DNAH9: variants seen among roughly 807,000 people sequenced by gnomAD.
DNAH9 encodes dynein axonemal heavy chain 9.
A neutral mutation model predicts 471.6 loss-of-function variants in DNAH9; 345 were observed. That is an observed-to-expected ratio of 0.73 (90% confidence interval 0.67 to 0.80). DNAH9 has a LOEUF of 0.80. Ranked by LOEUF, DNAH9 falls within the 30% of genes least tolerant of loss-of-function variation. DNAH9 has a pLI of 0.00. For synonymous variants in DNAH9, 2,093 were observed against 2,123.6 expected, an observed-to-expected ratio of 0.99 and a Z score of 0.40; for missense variants, 5,407 against 5,609.2, an observed-to-expected ratio of 0.96 and a Z score of 1.15.
At chr17:11,652,440 C>T (rs1409092877) in intron 13 of DNAH9, among the ~76,000 whole-genome samples, 1 of 151,810 alleles carries the variant, frequency 6.6e-6, no homozygotes, top group African/African-American at 2.4e-5. Flanking sequence ...CACCCACCAC[C>T]CCACCCAGCT....
At chr17:11,609,089 C>T (rs140014387) in intron 2 of DNAH9, among the ~76,000 whole-genome samples, 6 of 152,294 alleles carry the variant, frequency 3.9e-5, no homozygotes, top group African/African-American at 1.4e-4. Flanking sequence ...GGACAGCCTT[C>T]CTACATGAGC....
At position 11,894,425 on chromosome 17, in the gene DNAH9, C is replaced by T. The variant is rs779176965; in HGVS notation, c.11335C>T (p.Arg3779Ter). 56 of 1,614,126 alleles carry T rather than the reference C, an allele frequency of 3.5e-5. No homozygotes were observed. Among genetic ancestry groups the T allele is most frequent in the Non-Finnish European group, 4.5e-5 (53 of 1,179,998 alleles). The change falls in exon 59 of 69, where the codon CGA becomes TGA. Residue 3779 changes from arginine (R) to a stop codon, truncating the protein, a stop_gained. Coordinates refer to ENST00000262442, the MANE Select transcript of DNAH9 (RefSeq NM_001372.4). LOFTEE classifies it high-confidence loss of function. ...TGCAGTGGAGTTGGATTTCCTGCTT[C>T]GATCTCCAGTGCAGACGGGCACCGC... ...VNAVELDFLL[R>*]SPVQTGTASP...
chr17:11,700,920 GTTAA>G (rs1382853895), intron 23 of DNAH9, among the ~76,000 whole-genome samples, 198 bp from the exon 24 acceptor site: 3 of 152,314 alleles, frequency 2.0e-5, no homozygotes, highest in East Asian at 1.9e-4. Flanking sequence ...TCAGCCTGCT[GTTAA>G]TTAAGTCTGG....
intron 39 of DNAH9, among the ~76,000 whole-genome samples, chr17:11,781,724 C>T (rs551135440): frequency 2.0e-4 from 30 of 151,208 alleles, no homozygotes; most frequent in African/African-American, 3.4e-4. Context: ...CCCAGCTACT[C>T]GGGAGGCTGA....
intron 32 of DNAH9, among the ~76,000 whole-genome samples, chr17:11,748,249 C>G (rs1321977741): frequency 6.6e-6 from 1 of 151,286 alleles, no homozygotes; most frequent in Non-Finnish European, 1.5e-5. Context: ...ATTGCTTGAA[C>G]CCGGGTGGTG....
chr17:11,707,504 T>C (rs927085837), intron 26 of DNAH9, among the ~76,000 whole-genome samples: 3 of 152,196 alleles, frequency 2.0e-5, no homozygotes, highest in African/African-American at 7.2e-5. Context: ...CAACACCTCA[T>C]AGCTGAAGCA....
At chr17:11,663,400 A>G (rs575061963) in intron 14 of DNAH9, among the ~76,000 whole-genome samples, 1 of 152,310 alleles carries the variant, frequency 6.6e-6, no homozygotes, top group East Asian at 1.9e-4. Context: ...AACCTATGCC[A>G]TAGTTTGAAA....
At chr17:11,867,049 C>T (rs1003283147) in intron 50 of DNAH9, among the ~76,000 whole-genome samples, 1 of 152,230 alleles carries the variant, frequency 6.6e-6, no homozygotes, top group Non-Finnish European at 1.5e-5. Context: ...CACTCTCTGG[C>T]ACTTCCTAGT....
rs1969143621 is a variant in DNAH9, at chr17:11,793,741, A to C, written c.8223+77A>C. ...TATACAGATGATCACCCAATGATAA[A>C]ATCTAGCTGTTTAATGGAGAAAGGC... On this transcript the variant is annotated intron_variant, in intron 42 of 68. Coordinates refer to ENST00000262442, the MANE Select transcript of DNAH9 (RefSeq NM_001372.4). 3.3e-6 allele frequency: 4 copies of C among 1,218,222 alleles called. No homozygotes were observed. In the Admixed American group the frequency reaches 9.2e-5, roughly 28 times the overall value. 75.5% of individuals were successfully genotyped at this position (1,218,222 alleles called of 1,614,324 possible). A position where few individuals can be genotyped will look rare whatever the true frequency, so the allele number is the denominator to read the frequency against.
intron 55 of DNAH9, 96 bp downstream of exon 55, chr17:11,881,509 A>T (rs1972721397): frequency 7.9e-7 from 1 of 1,273,300 alleles, no homozygotes; most frequent in Non-Finnish European, 1.1e-6. Context: ...TCCTGGATTG[A>T]GTTAGGTGGG....
intron 14 of DNAH9, 36 bp from the exon 15 acceptor site, chr17:11,664,797 A>G (rs2073837403): frequency 6.3e-7 from 1 of 1,582,914 alleles, no homozygotes; most frequent in South Asian, 1.1e-5. Flanking sequence ...TCATGCTATT[A>G]AACGAGGTTT....
chr17:11,644,573 G>T (rs1012672596), intron 10 of DNAH9, 58 bp from the exon 11 acceptor site: 18 of 1,301,848 alleles, frequency 1.4e-5, no homozygotes, highest in Non-Finnish European at 2.0e-5. Flanking sequence ...TTTGTTCCTC[G>T]GATTATTACT....
chr17:11,818,767 C>CT (rs1394788636), intron 45 of DNAH9, among the ~76,000 whole-genome samples: 1 of 152,054 alleles, frequency 6.6e-6, no homozygotes, highest in African/African-American at 2.4e-5. Context: ...AACTTTTTAG[C>CT]TATAGTGTTT....
intron 41 of DNAH9, 21 bp from the exon 42 acceptor site, chr17:11,793,482 T>TG (rs769878448): frequency 1.3e-6 from 2 of 1,596,468 alleles, no homozygotes; most frequent in African/African-American, 2.7e-5. Flanking sequence ...CGTTATTTTT[T>TG]TGTGTCTGTT....
chr17:11,691,918 C>G (rs2074338797), intron 20 of DNAH9, among the ~76,000 whole-genome samples: 1 of 152,186 alleles, frequency 6.6e-6, no homozygotes, highest in African/African-American at 2.4e-5. Flanking sequence ...ATCCTCCTGC[C>G]TCAGCCTCCT....
At position 11,694,305 on chromosome 17, in the gene DNAH9, T is replaced by C. The variant is rs148610172; in HGVS notation, c.4746-16T>C. 15 of 1,613,648 alleles carry C rather than the reference T, an allele frequency of 9.3e-6. No individual in the cohort carries two copies. The African/African-American group carries it at 1.7e-4, about 19-fold the overall frequency. ...AGACATTCTTAACTGGGAAATTCTA[T>C]GTTCTGTGCCCTCAGATTGTGCCTG... On this transcript the variant is annotated splice_polypyrimidine_tract_variant and intron_variant, in intron 21 of 68. Coordinates refer to ENST00000262442, the MANE Select transcript of DNAH9 (RefSeq NM_001372.4).
At chr17:11,954,241 A>G (rs1975527702) in intron 67 of DNAH9, among the ~76,000 whole-genome samples, 1 of 151,086 alleles carries the variant, frequency 6.6e-6, no homozygotes, top group African/African-American at 2.4e-5. Flanking sequence ...TTGATGGGGA[A>G]GGGGGGGGCC....
chr17:11,709,391 T>G (rs2074792868), intron 26 of DNAH9, among the ~76,000 whole-genome samples: 1 of 152,190 alleles, frequency 6.6e-6, no homozygotes, highest in South Asian at 2.1e-4. Flanking sequence ...CAAGAAATGT[T>G]TTTTGCACAG....
intron 22 of DNAH9, among the ~76,000 whole-genome samples, chr17:11,697,584 T>G (rs2074498628): frequency 6.6e-6 from 1 of 152,238 alleles, no homozygotes. Context: ...TGAAAAAGTC[T>G]TCTTCTAGCA....
Sources: gnomAD v4.1 joint callset for allele counts (sites outside exome capture counted in the v4.1 genomes callset) on GRCh38, gnomAD v4.1.1 for gene constraint, MANE v1.5 for transcripts, NCBI Gene and HGNC (gene_info 2026-07-23, HGNC 2026-07-21) for gene names.